Variants in PCDHGA11 observed in about 807,000 individuals in gnomAD.
PCDHGA11 encodes the protein protocadherin gamma-A11.
Under a neutral mutation model 60.4 loss-of-function variants are expected in PCDHGA11, and 39 were observed. The observed-to-expected ratio is 0.65, with a 90% CI of 0.50 to 0.84. The LOEUF (loss-of-function observed/expected upper bound fraction) is 0.84. Among genes scored for constraint, PCDHGA11 ranks in the 40% least tolerant of loss-of-function variants. The probability of loss-of-function intolerance (pLI) is 0.00; values close to 1 mark genes in which losing one functional copy is unlikely to be tolerated. For synonymous variants in PCDHGA11, 533 were observed against 510.3 expected (o/e 1.04, Z -0.60); for missense variants, 1,165 against 1,197.7 (o/e 0.97, Z 0.40).
chr5:141,494,306 T>G (rs1432951954), intron 1 of PCDHGA11, among the ~76,000 whole-genome samples: 1 of 152,212 alleles, frequency 6.6e-6, no homozygotes, highest in Non-Finnish European at 1.5e-5. Flanking sequence ...AATGTGTCAC[T>G]GCACAACCTG....
At chr5:141,429,577 T>C (rs2097225544) in intron 1 of PCDHGA11, among the ~76,000 whole-genome samples, 2 of 152,230 alleles carry the variant, frequency 1.3e-5, no homozygotes, top group South Asian at 4.1e-4. Context: ...TTACATTTAC[T>C]TTTGATTCTT....
chr5:141,502,450 C>T (rs184669731), intron 2 of PCDHGA11, among the ~76,000 whole-genome samples: 3 of 152,010 alleles, frequency 2.0e-5, no homozygotes, highest in Admixed American at 1.3e-4. Context: ...AGATTACACA[C>T]CTTGGTAGGA....
chr5:141,472,878 C>G (rs774209715), intron 1 of PCDHGA11, among the ~76,000 whole-genome samples: 1 of 146,132 alleles, frequency 6.8e-6, no homozygotes, highest in East Asian at 2.1e-4. Context: ...CCCAGCTACT[C>G]GGGAGGCTGA....
chr5:141,506,459 A>G (rs1159808052), intron 3 of PCDHGA11, among the ~76,000 whole-genome samples: 4 of 151,918 alleles, frequency 2.6e-5, no homozygotes, highest in Non-Finnish European at 4.4e-5. Context: ...AAAAAAAAAA[A>G]AAAAAAGAGC....
chr5:141,431,333 C>G lies in PCDHGA11; in HGVS notation c.2433+7673C>G. 1.2e-6 allele frequency: 2 copies of G among 1,614,058 alleles called. No individual in the cohort carries two copies. The highest frequency in any genetic ancestry group is 2.2e-5 in the South Asian group (2 of 91,088). Reference sequence around the variant, plus strand: ...AAATGGAGCCGACGGTAGTAAGTACCCCGAATTGGTGCTGAAACGCGCCCT... The same window carrying G: ...AAATGGAGCCGACGGTAGTAAGTACGCCGAATTGGTGCTGAAACGCGCCCT... On this transcript the variant is annotated intron_variant, in intron 1 of 3. Coordinates refer to ENST00000398587, the MANE Select transcript of PCDHGA11 (RefSeq NM_018914.3). The surrounding 1 kb of genome is among the most constrained non-coding windows in gnomAD (Gnocchi z 4.8).
intron 3 of PCDHGA11, among the ~76,000 whole-genome samples, chr5:141,506,032 G>A (rs994735467): frequency 5.9e-5 from 9 of 152,166 alleles, no homozygotes; most frequent in Non-Finnish European, 1.0e-4. Context: ...TCCAGAGTAG[G>A]ATTCTGGTTT....
rs1404656316 is a variant in PCDHGA11 at position 141,486,648 on chromosome 5, A to G, written c.2434-8159A>G. 6.2e-7 allele frequency: 1 copy of G among 1,613,298 alleles called. No individual in the cohort carries two copies. The highest frequency in any genetic ancestry group is 8.5e-7 in the Non-Finnish European group (1 of 1,179,892). The stretch of plus-strand genomic sequence containing the variant: ...TCTGGCTTGAATGCGCTTATCTCCT[A>G]CTCACTCCTGGAGCCCAGGAATCGA... On this transcript the variant is annotated intron_variant, in intron 1 of 3. Coordinates refer to ENST00000398587, the MANE Select transcript of PCDHGA11 (RefSeq NM_018914.3). This position sits in a 1 kb window ranked among gnomAD's most constrained non-coding sequence, Gnocchi z 5.0.
In PCDHGA11 at chr5:141,486,727, T is replaced by C; in HGVS notation, c.2434-8080T>C. ...TGAACCCCCAGACAGGAGCTGTTCA[T>C]GCTACTCGATCCTTTGACTATGAGC... On this transcript the variant is annotated intron_variant, in intron 1 of 3. Transcript: ENST00000398587. The surrounding 1 kb of genome is among the most constrained non-coding windows in gnomAD (Gnocchi z 5.0). 6.2e-7 allele frequency: 1 copy of C among 1,614,232 alleles called. No homozygotes were observed. Among genetic ancestry groups the C allele is most frequent in the Non-Finnish European group, 8.5e-7 (1 of 1,180,044 alleles).
Position 141,508,665 on chromosome 5 carries a change from C to T in PCDHGA11, c.2582-2282C>T, listed in dbSNP as rs181641281. ...CGTCAGGCCCTTCCTGTCATTCTGT[C>T]TCTGCCTCCCTTCTCCCTGCTTCTC... On this transcript the variant is annotated intron_variant, in intron 3 of 3. Coordinates refer to ENST00000398587, the MANE Select transcript of PCDHGA11 (RefSeq NM_018914.3). Among the ~76,000 whole-genome samples the T allele has an allele frequency of 3.7e-3, 564 of 152,254 alleles. 5 individuals carry two copies. Among genetic ancestry groups the T allele is most frequent in the Admixed American group, 0.011 (164 of 15,296 alleles).
At chr5:141,509,805 G>A (rs150684746) in intron 3 of PCDHGA11, among the ~76,000 whole-genome samples, 2 of 152,248 alleles carry the variant, frequency 1.3e-5, no homozygotes, top group Middle Eastern at 3.4e-3. Flanking sequence ...GCTTCATAGA[G>A]CCGAGCTCTT....
chr5:141,441,136 GA>G (rs1379465827), intron 1 of PCDHGA11: 2 of 152,304 alleles, frequency 1.3e-5, no homozygotes, highest in Middle Eastern at 3.4e-3. Flanking sequence ...CGAATTTCTA[GA>G]AGATAATGAC....
Position 141,483,648 on chromosome 5 carries a change from T to TTGTG in PCDHGA11, c.2434-11141_2434-11138dup, listed in dbSNP as rs111458813. ...GGAGAAGGTATAGAGGGGTGTGTGTTTGTGTGTGTGTGTGTGTGTGTAAAA... is the reference window on the plus strand; with the variant it reads ...GGAGAAGGTATAGAGGGGTGTGTGTTTGTGTGTGTGTGTGTGTGTGTGTGTAAAA... On this transcript the variant is annotated intron_variant, in intron 1 of 3. Coordinates refer to ENST00000398587, the MANE Select transcript of PCDHGA11 (RefSeq NM_018914.3). Among the ~76,000 whole-genome samples, 501 of 149,686 alleles carry TTGTG rather than the reference T, an allele frequency of 3.3e-3. 2 individuals are homozygous for TTGTG. Among genetic ancestry groups the TTGTG allele is most frequent in the African/African-American group, 7.3e-3 (297 of 40,842 alleles).
intron 3 of PCDHGA11, chr5:141,507,166 GTCC>G (rs1475125845): frequency 6.6e-5 from 10 of 152,288 alleles, no homozygotes; most frequent in Non-Finnish European, 1.2e-4. Context: ...ATGAGAGGCT[GTCC>G]TCTTCCTCGA....
In PCDHGA11 at chr5:141,421,455, C is replaced by T. The variant is rs762490406; in HGVS notation, c.228C>T (p.Phe76=). Reference sequence around the variant, plus strand: ...TCTCCAGAGGGAAGACACAGCTTTTCGCTGTGAATCCGCGAAGCGGCAGCT... The same window carrying T: ...TCTCCAGAGGGAAGACACAGCTTTTTGCTGTGAATCCGCGAAGCGGCAGCT... ...RIVSRGKTQL[F]AVNPRSGSLI... Residue 76 remains phenylalanine (F), a synonymous_variant, in exon 1 of 4, where the codon TTC becomes TTT. Coordinates refer to ENST00000398587, the MANE Select transcript of PCDHGA11 (RefSeq NM_018914.3). 7 of 1,614,108 alleles carry T rather than the reference C, an allele frequency of 4.3e-6. No homozygotes were observed. The highest frequency in any genetic ancestry group is 4.2e-6 in the Non-Finnish European group (5 of 1,179,938).
At chr5:141,426,453 G>A (rs902416171) in intron 1 of PCDHGA11, 4 of 310,612 alleles carry the variant, frequency 1.3e-5, no homozygotes, top group African/African-American at 8.6e-5. Flanking sequence ...ACATGCGGCT[G>A]CATGTTCAGG....
intron 1 of PCDHGA11, among the ~76,000 whole-genome samples, chr5:141,456,135 G>A (rs1422353665): frequency 6.6e-6 from 1 of 152,052 alleles, no homozygotes; most frequent in Non-Finnish European, 1.5e-5. Context: ...CTGACCTCCT[G>A]ATCCGCCCGC....
intron 1 of PCDHGA11, among the ~76,000 whole-genome samples, chr5:141,474,075 C>T (rs2099339724): frequency 6.6e-6 from 1 of 151,902 alleles, no homozygotes; most frequent in African/African-American, 2.4e-5. Flanking sequence ...GCCTCAGAAA[C>T]AAAAACCAAA....
chr5:141,448,806 G>A (rs1412164815), intron 1 of PCDHGA11, among the ~76,000 whole-genome samples: 1 of 152,008 alleles, frequency 6.6e-6, no homozygotes, highest in Admixed American at 6.5e-5. Context: ...TTAGCCAGGC[G>A]TGATGGCGGG....
At position 141,421,233 on chromosome 5, in the gene PCDHGA11, G is replaced by A. The variant is rs201076931; in HGVS notation, c.6G>A (p.Ala2=). M[A]NRLQRGDRSR... is the part of the protein sequence containing the mutation. Reference sequence around the variant, plus strand: ...ATATCGGCTTAGAGCCTGCCATGGCGAATCGGCTACAGCGCGGGGACCGCA... The same window carrying A: ...ATATCGGCTTAGAGCCTGCCATGGCAAATCGGCTACAGCGCGGGGACCGCA... Residue 2 remains alanine, a synonymous_variant, in exon 1 of 4, where the codon GCG becomes GCA. Coordinates refer to ENST00000398587, the MANE Select transcript of PCDHGA11 (RefSeq NM_018914.3). 1.4e-3 allele frequency: 2,185 copies of A among 1,592,236 alleles called. 58 individuals are homozygous for A. In the South Asian group the frequency reaches 0.024, roughly 17 times the overall value.
Sources: allele counts gnomAD v4.1 joint callset (sites outside exome capture counted in the v4.1 genomes callset), GRCh38; gene constraint gnomAD v4.1.1; non-coding constraint Gnocchi (gnomAD v3.1); transcripts MANE v1.5; gene names NCBI Gene and HGNC (gene_info 2026-07-23, HGNC 2026-07-21).